Variants in GTF3C6 observed in about 807,000 individuals in gnomAD.
The protein encoded by GTF3C6 is general transcription factor 3C polypeptide 6.
GTF3C6 carries 11 observed loss-of-function variants against 19.2 expected under a neutral mutation model. The observed-to-expected ratio is 0.57, with a 90% CI of 0.36 to 0.95. GTF3C6 has a LOEUF of 0.95. Ranked by LOEUF, GTF3C6 falls within the 40% of genes least tolerant of loss-of-function variation. The probability of loss-of-function intolerance (pLI) is 0.01; values close to 1 mark genes in which losing one functional copy is unlikely to be tolerated. For missense variants in GTF3C6, 222 were observed against 254.7 expected (o/e 0.87, Z 0.87); for synonymous variants, 87 against 84.2 (o/e 1.03, Z -0.18).
chr6:110,960,332 T>G, intron 2 of GTF3C6, 82 bp from the exon 3 acceptor site: 1 of 1,212,374 alleles, frequency 8.2e-7, no homozygotes, highest in Non-Finnish European at 1.2e-6. Context: ...TTTTGGAGAT[T>G]AGTTTCCTTG....
At chr6:110,959,670 A>T (rs12663013) in intron 2 of GTF3C6, among the ~76,000 whole-genome samples, 37,843 of 151,480 alleles carry the variant, frequency 0.25, 5,461 homozygotes, top group East Asian at 0.65. Context: ...AAATAATAAT[A>T]AAAAAAAATG....
At chr6:110,960,661 A>G (rs760969318) in intron 4 of GTF3C6, 45 bp downstream of exon 4, 17 of 1,402,628 alleles carry the variant, frequency 1.2e-5, no homozygotes, top group East Asian at 1.2e-4. Flanking sequence ...AACTATTTCA[A>G]TCATACTTAA....
At chr6:110,965,886 G>C (rs1287869030) in intron 5 of GTF3C6, among the ~76,000 whole-genome samples, 1 of 152,214 alleles carries the variant, frequency 6.6e-6, no homozygotes, top group African/African-American at 2.4e-5. Context: ...TCAGGAATTT[G>C]GGAGCAGTTT....
rs1352881612 is a variant in GTF3C6, at chr6:110,958,800, G to A, written c.31G>A (p.Glu11Lys). MAAAADERSP[E>K]DGEDEEEEEQ... ...GGCGGCGGCGGACGAGCGGAGTCCA[G>A]AGGACGGAGAAGACGAGGAAGAGGA... Residue 11 changes from glutamate (E) to lysine (K), a missense_variant, in exon 1 of 6, where the codon GAG becomes AAG. Transcript: ENST00000329970. The A allele has an allele frequency of 1.3e-6, 2 of 1,551,254 alleles. No individual in the cohort carries two copies. The highest frequency in any genetic ancestry group is 2.4e-5 in the South Asian group (2 of 84,050).
At position 110,967,507 on chromosome 6, in the gene GTF3C6, T is replaced by C; in HGVS notation, c.362-3T>C. On this transcript the variant is annotated splice_region_variant and splice_polypyrimidine_tract_variant and intron_variant, in intron 5 of 5. Coordinates refer to ENST00000329970, the MANE Select transcript of GTF3C6 (RefSeq NM_138408.4). The stretch of plus-strand genomic sequence containing the variant: ...TGTTTATTCCTCATCCCCTCCAAAT[T>C]AGGTGGGGTGGAATGGCTGCAAATA... 2 of 1,598,812 alleles carry C rather than the reference T, an allele frequency of 1.3e-6. No individual in the cohort carries two copies. Among genetic ancestry groups the C allele is most frequent in the Middle Eastern group, 1.8e-4 (1 of 5,570 alleles).
At position 110,958,814 on chromosome 6, in the gene GTF3C6, CGAG is replaced by C. The variant is rs1253270669; in HGVS notation, c.48_50del (p.Glu20del). On this transcript the variant is annotated inframe_deletion, in exon 1 of 6. Transcript: ENST00000329970. ...AGCGGAGTCCAGAGGACGGAGAAGACGAGGAAGAGGAGGTAGTAAGCGCTACGC... is the reference window on the plus strand; with the variant it reads ...AGCGGAGTCCAGAGGACGGAGAAGACGAAGAGGAGGTAGTAAGCGCTACGC... 6.4e-7 allele frequency: 1 copy of C among 1,551,170 alleles called. No homozygotes were observed. Among genetic ancestry groups the C allele is most frequent in the Non-Finnish European group, 8.7e-7 (1 of 1,146,928 alleles).
chr6:110,962,593 A>G (rs1394768855), intron 5 of GTF3C6, 88 bp downstream of exon 5: 1 of 719,632 alleles, frequency 1.4e-6, no homozygotes, highest in Non-Finnish European at 2.4e-6. Context: ...TGTACTTTTT[A>G]GTAATAACTA....
intron 2 of GTF3C6, 64 bp from the exon 3 acceptor site, chr6:110,960,350 G>C (rs1771143456): frequency 3.6e-6 from 5 of 1,400,536 alleles, no homozygotes; most frequent in South Asian, 2.6e-5. Flanking sequence ...TTGGTAGCAA[G>C]GTTACAATGT....
intron 1 of GTF3C6, 125 bp downstream of exon 1, chr6:110,958,951 T>TG (rs1771121937): frequency 8.6e-7 from 1 of 1,159,736 alleles, no homozygotes; most frequent in African/African-American, 1.6e-5. Flanking sequence ...ACCGGCTTCT[T>TG]GCTCCTGGGC....
At chr6:110,961,069 C>A (rs1218822752) in intron 4 of GTF3C6, among the ~76,000 whole-genome samples, 4 of 151,946 alleles carry the variant, frequency 2.6e-5, no homozygotes, top group Non-Finnish European at 4.4e-5. Context: ...CAAAAGAACC[C>A]ATTCCAGATA....
In GTF3C6 at chr6:110,958,799, A is replaced by G; in HGVS notation, c.30A>G (p.Pro10=). MAAAADERS[P]EDGEDEEEEE... is the part of the protein sequence containing the mutation. ...CGGCGGCGGCGGACGAGCGGAGTCC[A>G]GAGGACGGAGAAGACGAGGAAGAGG... Residue 10 remains proline (P), a synonymous_variant, in exon 1 of 6, where the codon CCA becomes CCG. Coordinates refer to ENST00000329970, the MANE Select transcript of GTF3C6 (RefSeq NM_138408.4). The G allele has an allele frequency of 1.3e-6, 2 of 1,551,170 alleles. No homozygotes were observed. Among genetic ancestry groups the G allele is most frequent in the African/African-American group, 1.4e-5 (1 of 73,238 alleles).
chr6:110,959,017 T>C (rs1771123137), intron 1 of GTF3C6, 155 bp from the exon 2 acceptor site: 2 of 825,310 alleles, frequency 2.4e-6, no homozygotes, highest in South Asian at 3.0e-5. Context: ...GTACTTGGGA[T>C]GGGAAGTACC....
intron 4 of GTF3C6, among the ~76,000 whole-genome samples, chr6:110,961,199 G>A (rs954921624): frequency 2.0e-5 from 3 of 150,036 alleles, no homozygotes; most frequent in East Asian, 4.0e-4. Flanking sequence ...CACCCAGGCT[G>A]GAGTGCAGTG....
intron 2 of GTF3C6, among the ~76,000 whole-genome samples, 198 bp downstream of exon 2, chr6:110,959,450 G>T (rs550402921): frequency 1.3e-5 from 2 of 152,288 alleles, no homozygotes; most frequent in South Asian, 4.1e-4. Context: ...CGGGGACTAT[G>T]GGAGCAGATA....
chr6:110,959,369 G>T, intron 2 of GTF3C6, 117 bp downstream of exon 2: 1 of 672,476 alleles, frequency 1.5e-6, no homozygotes. Flanking sequence ...ACAAAGTAGT[G>T]AACTCTAAGG....
intron 4 of GTF3C6, 126 bp downstream of exon 4, chr6:110,960,742 G>T: frequency 2.5e-6 from 2 of 815,738 alleles, no homozygotes; most frequent in Non-Finnish European, 3.9e-6. Context: ...ACGTGACTCA[G>T]ATTATAGTTA....
At chr6:110,960,766 C>G in intron 4 of GTF3C6, 150 bp downstream of exon 4, 1 of 689,986 alleles carries the variant, frequency 1.4e-6, no homozygotes, top group South Asian at 1.9e-5. Flanking sequence ...AAAAAAAATG[C>G]CAGGCTGGGC....
chr6:110,960,057 T>G (rs751471052), intron 2 of GTF3C6, among the ~76,000 whole-genome samples: 6 of 152,146 alleles, frequency 3.9e-5, no homozygotes, highest in Non-Finnish European at 7.3e-5. Flanking sequence ...GAGGATTGCC[T>G]GAACATGATC....
chr6:110,962,076 G>T (rs1210730105), intron 4 of GTF3C6, among the ~76,000 whole-genome samples: 7 of 151,806 alleles, frequency 4.6e-5, no homozygotes, highest in Non-Finnish European at 8.8e-5. Flanking sequence ...CGAATTTTTT[G>T]TATCTTTAGT....
Sources: allele counts gnomAD v4.1 joint callset (sites outside exome capture counted in the v4.1 genomes callset), GRCh38; gene constraint gnomAD v4.1.1; transcripts MANE v1.5; gene names NCBI Gene and HGNC (gene_info 2026-07-23, HGNC 2026-07-21).